Variants in SPARCL1 observed in about 807,000 individuals in gnomAD.
SPARCL1 encodes the protein SPARC-like protein 1.
In SPARCL1, 52 loss-of-function variants were observed where a neutral mutation model predicts 67.1. That is an observed-to-expected ratio of 0.78 (90% CI 0.62 to 0.98). SPARCL1 has a LOEUF of 0.98. SPARCL1 is among the 50% of genes least tolerant of loss of function. SPARCL1 has a pLI of 0.00. For missense variants in SPARCL1, 717 were observed against 782.4 expected (o/e 0.92, Z 1.00); for synonymous variants, 226 against 267.8 (o/e 0.84, Z 1.52).
intron 10 of SPARCL1, among the ~76,000 whole-genome samples, chr4:87,478,044 G>A (rs571260312): frequency 6.6e-6 from 1 of 152,124 alleles, no homozygotes; most frequent in Non-Finnish European, 1.5e-5. Context: ...TTCTACATAT[G>A]CATGGGGGAT....
chr4:87,476,367 T>C (rs1275919156), intron 10 of SPARCL1, among the ~76,000 whole-genome samples: 1 of 152,210 alleles, frequency 6.6e-6, no homozygotes, highest in Non-Finnish European at 1.5e-5. Context: ...TACTTCTCTC[T>C]TTTTTTCCCC....
At chr4:87,522,531 T>G (rs1725859542) in intron 1 of SPARCL1, among the ~76,000 whole-genome samples, 1 of 151,908 alleles carries the variant, frequency 6.6e-6, no homozygotes, top group Non-Finnish European at 1.5e-5. Context: ...TGGCTGCCTC[T>G]CAGTGCCTCA....
intron 7 of SPARCL1, among the ~76,000 whole-genome samples, chr4:87,489,031 G>C (rs189501333): frequency 2.1e-4 from 32 of 152,322 alleles, no homozygotes; most frequent in Admixed American, 9.8e-4. Context: ...TGGGCTCTGT[G>C]GGGGTGGGAT....
At chr4:87,501,777 A>T (rs1329367974) in intron 1 of SPARCL1, among the ~76,000 whole-genome samples, 1 of 152,064 alleles carries the variant, frequency 6.6e-6, no homozygotes, top group East Asian at 1.9e-4. Context: ...TCTGGGGAGC[A>T]TTTTATGTGT....
chr4:87,485,970 G>A (rs949443482), intron 7 of SPARCL1, among the ~76,000 whole-genome samples: 6 of 151,086 alleles, frequency 4.0e-5, no homozygotes, highest in African/African-American at 1.5e-4. Flanking sequence ...TTCTCTATTA[G>A]TCTGGCTAGC....
intron 8 of SPARCL1, among the ~76,000 whole-genome samples, chr4:87,482,141 T>C (rs1445291192): frequency 6.6e-6 from 1 of 152,230 alleles, no homozygotes; most frequent in Admixed American, 6.5e-5. Context: ...CAATGCTAAA[T>C]TTATATTAAC....
At position 87,479,482 on chromosome 4, in the gene SPARCL1, CT is replaced by C. The variant is rs1226416552; in HGVS notation, c.1913del (p.Lys638ArgfsTer7). The part of the protein sequence containing the change: ...TRFFEECDPN[K>X]DKHITLKEWG... The stretch of plus-strand genomic sequence containing the variant: ...ACTCCTTCAGGGTGATGTGCTTATC[CT>C]TGTTGGGGTCACACTCCTCAAAGAA... On this transcript the variant is annotated frameshift_variant, in exon 10 of 11. Coordinates refer to ENST00000282470, the MANE Select transcript of SPARCL1 (RefSeq NM_004684.6). LOFTEE classifies it high-confidence loss of function. 3 of 1,613,900 alleles carry C rather than the reference CT, an allele frequency of 1.9e-6. No individual in the cohort carries two copies. The highest frequency in any genetic ancestry group is 2.5e-6 in the Non-Finnish European group (3 of 1,180,018).
intron 1 of SPARCL1, among the ~76,000 whole-genome samples, chr4:87,522,631 C>A (rs1725864075): frequency 7.1e-6 from 1 of 141,758 alleles, no homozygotes; most frequent in Admixed American, 7.2e-5. Flanking sequence ...CTCCCAGCCA[C>A]CACCACCAAA....
intron 5 of SPARCL1, 30 bp from the exon 6 acceptor site, chr4:87,490,908 G>T: frequency 1.6e-6 from 2 of 1,279,428 alleles, no homozygotes; most frequent in Non-Finnish European, 2.2e-6. Flanking sequence ...AGGAAGCATG[G>T]ACAAAGTTAA....
intron 1 of SPARCL1, among the ~76,000 whole-genome samples, chr4:87,521,384 T>C (rs1264042326): frequency 1.3e-5 from 2 of 152,188 alleles, no homozygotes; most frequent in Non-Finnish European, 2.9e-5. Context: ...GTAAACGCAG[T>C]CATCCATACC....
rs917065090 is a variant in SPARCL1, at chr4:87,481,656, T to C, written c.1668+768A>G. ...CACAGTTAATGCACACCCTCCTTCTTGTTTTATTTGTCTTCACACCATGTT... is the reference window on the plus strand; with the variant it reads ...CACAGTTAATGCACACCCTCCTTCTCGTTTTATTTGTCTTCACACCATGTT... On this transcript the variant is annotated intron_variant, in intron 8 of 10. Coordinates refer to ENST00000282470, the MANE Select transcript of SPARCL1 (RefSeq NM_004684.6). Among the ~76,000 whole-genome samples, 11 of 152,322 alleles carry C rather than the reference T, an allele frequency of 7.2e-5. No homozygotes were observed. The South Asian group carries it at 2.1e-3, about 29-fold the overall frequency.
intron 2 of SPARCL1, among the ~76,000 whole-genome samples, chr4:87,498,519 C>T (rs1243648440): frequency 6.6e-6 from 1 of 152,206 alleles, no homozygotes; most frequent in East Asian, 1.9e-4. Flanking sequence ...GAATCATTTG[C>T]AGAACATCTC....
At position 87,494,466 on chromosome 4, in the gene SPARCL1, C is replaced by G; in HGVS notation, c.334G>C (p.Glu112Gln). The G allele has an allele frequency of 6.2e-7, 1 of 1,614,116 alleles. No individual in the cohort carries two copies. Among genetic ancestry groups the G allele is most frequent in the South Asian group, 1.1e-5 (1 of 91,072 alleles). ...AATGTACCTTCAGTTGGTGCATACTCCAAATTCACACTTAAGTGACCATCA... is the reference window on the plus strand; with the variant it reads ...AATGTACCTTCAGTTGGTGCATACTGCAAATTCACACTTAAGTGACCATCA... The part of the protein sequence containing the change: ...DSDGHLSVNL[E>Q]YAPTEGTLDI... Residue 112 changes from glutamate (E) to glutamine (Q), a missense_variant, in exon 4 of 11, where the codon GAG (glutamate) becomes CAG (glutamine). Coordinates refer to ENST00000282470, the MANE Select transcript of SPARCL1 (RefSeq NM_004684.6).
intron 1 of SPARCL1, among the ~76,000 whole-genome samples, chr4:87,528,777 C>T (rs1029166207): frequency 1.3e-5 from 2 of 152,092 alleles, no homozygotes; most frequent in Non-Finnish European, 2.9e-5. Flanking sequence ...CTGAGGCGAT[C>T]AACAGTTCCA....
At chr4:87,477,822 A>G (rs187171882) in intron 10 of SPARCL1, among the ~76,000 whole-genome samples, 1 of 152,318 alleles carries the variant, frequency 6.6e-6, no homozygotes, top group Admixed American at 6.5e-5. Flanking sequence ...AACCGTGAGA[A>G]AGAATTTAAC....
intron 1 of SPARCL1, among the ~76,000 whole-genome samples, chr4:87,505,984 T>C (rs1246971059): frequency 6.6e-6 from 1 of 152,218 alleles, no homozygotes; most frequent in African/African-American, 2.4e-5. Context: ...TTGATGATTC[T>C]TTGTTGTGGG....
chr4:87,501,424 G>C (rs1206954063), intron 1 of SPARCL1, among the ~76,000 whole-genome samples: 1 of 152,000 alleles, frequency 6.6e-6, no homozygotes, highest in Non-Finnish European at 1.5e-5. Flanking sequence ...GAATTTTTAA[G>C]GTATTGCATA....
intron 2 of SPARCL1, chr4:87,497,019 C>T (rs1313390525): frequency 6.3e-6 from 1 of 157,934 alleles, no homozygotes; most frequent in Non-Finnish European, 1.4e-5. Flanking sequence ...TTGCAGGTGC[C>T]TGCCACCATG....
intron 1 of SPARCL1, among the ~76,000 whole-genome samples, chr4:87,515,581 G>A (rs1725548080): frequency 6.6e-6 from 1 of 152,148 alleles, no homozygotes; most frequent in Admixed American, 6.5e-5. Context: ...TAGGTAACTG[G>A]AAGGAGAGCC....
Sources: gnomAD v4.1 joint callset for allele counts (sites outside exome capture counted in the v4.1 genomes callset) on GRCh38, gnomAD v4.1.1 for gene constraint, MANE v1.5 for transcripts, NCBI Gene and HGNC (gene_info 2026-07-23, HGNC 2026-07-21) for gene names.